The following SYAP1 variants were observed in gnomAD, a reference collection of about 807,000 sequenced individuals.
The protein encoded by SYAP1 is synapse-associated protein 1.
Under a neutral mutation model 29.6 loss-of-function variants are expected in SYAP1, and 3 were observed. The observed-to-expected ratio is 0.10, with a 90% CI of 0.05 to 0.26. The LOEUF (loss-of-function observed/expected upper bound fraction) is 0.26. Ranked by LOEUF, SYAP1 falls within the 10% of genes least tolerant of loss-of-function variation. The pLI, the probability that SYAP1 is intolerant of heterozygous loss-of-function variation, is 1.00. For missense variants in SYAP1, 217 were observed against 264.1 expected (o/e 0.82, Z 1.24); for synonymous variants, 102 against 102.7 (o/e 0.99, Z 0.04).
chrX:16,726,489 G>A (rs903814608), intron 1 of SYAP1, among the ~76,000 whole-genome samples: 1 of 110,721 alleles, frequency 9.0e-6, no homozygotes, highest in African/African-American at 3.3e-5. Flanking sequence ...CAAAACTCTT[G>A]GGCTTTTGTT....
chrX:16,733,458 G>T (rs1926252657), intron 1 of SYAP1, among the ~76,000 whole-genome samples: 1 of 110,889 alleles, frequency 9.0e-6, no homozygotes, highest in African/African-American at 3.3e-5. Flanking sequence ...ATTCTTATGG[G>T]ACCTTCTCCA....
chrX:16,721,486 A>G (rs1177782574), intron 1 of SYAP1, among the ~76,000 whole-genome samples: 1 of 110,506 alleles, frequency 9.0e-6, no homozygotes, highest in Admixed American at 9.7e-5. Flanking sequence ...ATGAAAGGAC[A>G]GGGAAAACAG....
At chrX:16,748,131 A>G (rs776609227) in intron 5 of SYAP1, among the ~76,000 whole-genome samples, 1 of 112,334 alleles carries the variant, frequency 8.9e-6, no homozygotes, top group East Asian at 2.8e-4. Context: ...GTATTTACAA[A>G]TGAAAGAATG....
At chrX:16,729,245 G>A (rs1926152071) in intron 1 of SYAP1, among the ~76,000 whole-genome samples, 1 of 110,384 alleles carries the variant, frequency 9.1e-6, no homozygotes, top group Non-Finnish European at 1.9e-5. Flanking sequence ...TTTTATATTT[G>A]GCAATGCTTC....
intron 5 of SYAP1, among the ~76,000 whole-genome samples, chrX:16,747,073 C>T (rs761849240): frequency 1.4e-4 from 16 of 111,435 alleles, no homozygotes; most frequent in African/African-American, 4.9e-4. Flanking sequence ...GTCTCGGCCT[C>T]CCAAGTAGCT....
intron 5 of SYAP1, 59 bp downstream of exon 5, chrX:16,743,899 A>G: frequency 4.4e-6 from 5 of 1,146,032 alleles, no homozygotes; most frequent in Non-Finnish European, 5.9e-6. Context: ...CAGTATCAGC[A>G]CATAATGATG....
intron 5 of SYAP1, among the ~76,000 whole-genome samples, chrX:16,746,613 G>A (rs781710524): frequency 3.7e-4 from 41 of 110,697 alleles, no homozygotes; most frequent in Non-Finnish European, 6.6e-4. Flanking sequence ...ACGGAGTTTC[G>A]CTCTTGTCAC....
intron 4 of SYAP1, 98 bp from the exon 5 acceptor site, chrX:16,743,602 CT>C (rs1926525742): frequency 1.2e-5 from 11 of 881,097 alleles, no homozygotes; most frequent in Non-Finnish European, 1.6e-5. Flanking sequence ...CCACTGCACT[CT>C]AGCCTGGGTG....
At chrX:16,739,650 C>G (rs891325226) in intron 3 of SYAP1, among the ~76,000 whole-genome samples, 1 of 110,626 alleles carries the variant, frequency 9.0e-6, no homozygotes, top group African/African-American at 3.3e-5. Context: ...GCTGGGTCAC[C>G]AGCCTTGTGT....
intron 1 of SYAP1, among the ~76,000 whole-genome samples, chrX:16,734,984 G>A (rs1474379359): frequency 3.2e-5 from 3 of 93,652 alleles, no homozygotes; most frequent in Admixed American, 1.2e-4. Flanking sequence ...GGGTGACAGG[G>A]CGAGACTGTC....
chrX:16,742,547 C>G (rs1194283750), intron 4 of SYAP1, among the ~76,000 whole-genome samples: 1 of 111,812 alleles, frequency 8.9e-6, no homozygotes, highest in Non-Finnish European at 1.9e-5. Flanking sequence ...CTTGGCCTCC[C>G]AAAGTGCTGG....
At chrX:16,749,233 C>A in intron 5 of SYAP1, among the ~76,000 whole-genome samples, 1 of 110,063 alleles carries the variant, frequency 9.1e-6, no homozygotes, top group Non-Finnish European at 1.9e-5. Flanking sequence ...TTTTTTATTT[C>A]TTGTAGAGTC....
In SYAP1 at chrX:16,742,143, GTTTTTT is replaced by G. The variant is rs144175479; in HGVS notation, c.435+375_435+380del. On this transcript the variant is annotated intron_variant, in intron 4 of 8. Coordinates refer to ENST00000380155, the MANE Select transcript of SYAP1 (RefSeq NM_032796.4). ...ACCATGCCCAGCTAATTTTTGTGTG[GTTTTTT>G]TTTTTTTTTTTTTTTTTTTTGAGAC... Among the ~76,000 whole-genome samples the G allele has an allele frequency of 2.9e-3, 120 of 41,858 alleles. 1 individual carries two copies. Among genetic ancestry groups the G allele is most frequent in the African/African-American group, 0.015 (112 of 7,526 alleles). The allele number at this position is 41,858 out of a possible 115,157, so 36.3% of individuals were successfully genotyped here.
chrX:16,720,153 T>C lies in SYAP1; in HGVS notation c.175+254T>C, dbSNP rs182530913. 2.1e-4 allele frequency among the ~76,000 whole-genome samples: 24 copies of C among 112,124 alleles called. No homozygotes were observed. The Middle Eastern group carries it at 0.014, about 64-fold the overall frequency. ...GACAAGTCTACAAAGTTTGCAGACA[T>C]TGGAATCAGGTATGCAGTCAAGCAG... On this transcript the variant is annotated intron_variant, in intron 1 of 8. Transcript: ENST00000380155.
At position 16,744,642 on chromosome X, in the gene SYAP1, G is replaced by A. The variant is rs1209972401; in HGVS notation, c.575+802G>A. On this transcript the variant is annotated intron_variant, in intron 5 of 8. Transcript: ENST00000380155. ...GAGGTTGAGTTCGAGACCAGCCTGG[G>A]CAACATAGCAAGACCACCATCTTTA... Among the ~76,000 whole-genome samples, 3 of 111,829 alleles carry A rather than the reference G, an allele frequency of 2.7e-5. No homozygotes were observed. In the East Asian group the frequency reaches 8.4e-4, roughly 31 times the overall value.
Position 16,760,453 on chromosome X carries a change from G to C in SYAP1, c.*94G>C. 2.3e-6 allele frequency: 2 copies of C among 873,804 alleles called. No individual in the cohort carries two copies. The highest frequency in any genetic ancestry group is 3.0e-6 in the Non-Finnish European group (2 of 661,261). 72.0% of individuals were successfully genotyped at this position (873,804 alleles called of 1,213,427 possible). A position where few individuals can be genotyped will look rare whatever the true frequency, so the allele number is the denominator to read the frequency against. On this transcript the variant is annotated 3_prime_UTR_variant, in exon 9 of 9. Transcript: ENST00000380155. ...TTACTGAATCAGAAGGCATGAAAGAGTATAATTTTATGAAATTCAAAATTA... is the reference window on the plus strand; with the variant it reads ...TTACTGAATCAGAAGGCATGAAAGACTATAATTTTATGAAATTCAAAATTA...
At chrX:16,732,288 A>G (rs1926225828) in intron 1 of SYAP1, among the ~76,000 whole-genome samples, 1 of 111,840 alleles carries the variant, frequency 8.9e-6, no homozygotes, top group Non-Finnish European at 1.9e-5. Context: ...TTCAGTAGTG[A>G]AATAGTTTGG....
At chrX:16,744,840 C>T (rs1371348228) in intron 5 of SYAP1, among the ~76,000 whole-genome samples, 2 of 111,685 alleles carry the variant, frequency 1.8e-5, no homozygotes, top group Non-Finnish European at 3.8e-5. Flanking sequence ...GTGGTGCGCA[C>T]CTTTAGTCCT....
chrX:16,738,762 C>G lies in SYAP1; in HGVS notation c.361+2530C>G, dbSNP rs752738721. 6.6e-4 allele frequency among the ~76,000 whole-genome samples: 74 copies of G among 112,111 alleles called. 4 individuals carry two copies. The highest frequency in any genetic ancestry group is 1.5e-4 in the Non-Finnish European group (8 of 53,238). ...CAGAAGCCCAGAGAGGGGAGAGTTT[C>G]CAGGAGAGCAGTCAGCCATGGGAGG... On this transcript the variant is annotated intron_variant, in intron 3 of 8. Transcript: ENST00000380155.
Sources: allele counts gnomAD v4.1 joint callset (sites outside exome capture counted in the v4.1 genomes callset), GRCh38; gene constraint gnomAD v4.1.1; transcripts MANE v1.5; gene names NCBI Gene and HGNC (gene_info 2026-07-23, HGNC 2026-07-21).